Variants in NOL4 observed in about 807,000 individuals in gnomAD.
The protein encoded by NOL4 is nucleolar protein 4.
NOL4 carries 17 observed loss-of-function variants against 75.9 expected under a neutral mutation model. The observed-to-expected ratio is 0.22, with a 90% CI of 0.15 to 0.34. The LOEUF (loss-of-function observed/expected upper bound fraction) is 0.34, where lower values mean the gene tolerates loss of function less well. Ranked by LOEUF, NOL4 falls within the 10% of genes least tolerant of loss-of-function variation. The probability of loss-of-function intolerance (pLI) is 1.00; values close to 1 mark genes in which losing one functional copy is unlikely to be tolerated. For synonymous variants in NOL4, 292 were observed against 289.9 expected (o/e 1.01, Z -0.07); for missense variants, 614 against 793.5 (o/e 0.77, Z 2.72).
At chr18:34,115,006 G>A (rs1221423432) in intron 2 of NOL4, among the ~76,000 whole-genome samples, 1 of 152,086 alleles carries the variant, frequency 6.6e-6, no homozygotes, top group Non-Finnish European at 1.5e-5. Flanking sequence ...TGAATTGAGA[G>A]AGAAGGAAGG....
intron 5 of NOL4, among the ~76,000 whole-genome samples, chr18:34,063,991 T>C (rs889292372): frequency 1.3e-5 from 2 of 152,024 alleles, no homozygotes; most frequent in African/African-American, 4.8e-5. Flanking sequence ...GACATTTATT[T>C]TTCCTTGCCA....
intron 4 of NOL4, among the ~76,000 whole-genome samples, chr18:34,096,537 G>A (rs1379844907): frequency 6.6e-6 from 1 of 151,986 alleles, no homozygotes; most frequent in African/African-American, 2.4e-5. Context: ...TAAGAATAAA[G>A]AATCAGAAAA....
intron 5 of NOL4, among the ~76,000 whole-genome samples, chr18:34,080,627 C>T (rs184715245): frequency 6.3e-4 from 96 of 152,274 alleles, no homozygotes; most frequent in Non-Finnish European, 1.2e-3. Context: ...GTACCACATC[C>T]TTGTCCATCA....
At chr18:34,057,616 T>C (rs2076885399) in intron 5 of NOL4, among the ~76,000 whole-genome samples, 2 of 152,184 alleles carry the variant, frequency 1.3e-5, no homozygotes, top group African/African-American at 4.8e-5. Context: ...ACAGTATCTA[T>C]TGACAATATT....
intron 9 of NOL4, among the ~76,000 whole-genome samples, chr18:33,887,542 G>A (rs2064822255): frequency 6.6e-6 from 1 of 151,582 alleles, no homozygotes; most frequent in Non-Finnish European, 1.5e-5. Flanking sequence ...TTTACATTAG[G>A]TATTTCTCCT....
At position 34,019,344 on chromosome 18, in the gene NOL4, G is replaced by C. The variant is rs1387546446; in HGVS notation, c.1030C>G (p.Arg344Gly). 13 of 1,613,434 alleles carry C rather than the reference G, an allele frequency of 8.1e-6. No individual in the cohort carries two copies. In the African/African-American group the frequency reaches 1.5e-4, roughly 18 times the overall value. The change falls in exon 6 of 11, where the codon CGA becomes GGA. Residue 344 changes from arginine to glycine, a missense_variant. By Grantham distance (125) the Arg-to-Gly change is moderately radical (BLOSUM62 -2). Around this residue, in one of 9 missense-constraint regions of NOL4, gnomAD observed 196 missense variants for 167.9 expected, o/e 1.17. Transcript: ENST00000261592. ...TTGCTTCCATTTTCTCTCGCCTCTC[G>C]TTCCATCTTGAGGTCAGAAATTAGA... ...NLLISDLKME[R>G]EARENGSKSP...
chr18:34,205,059 G>A (rs1568448358), intron 1 of NOL4, among the ~76,000 whole-genome samples: 1 of 151,976 alleles, frequency 6.6e-6, no homozygotes, highest in Non-Finnish European at 1.5e-5. Context: ...TTACTGCCCT[G>A]GATTAAGGTT....
At chr18:33,915,464 C>T (rs1204778161) in intron 9 of NOL4, among the ~76,000 whole-genome samples, 1 of 151,944 alleles carries the variant, frequency 6.6e-6, no homozygotes, top group African/African-American at 2.4e-5. Flanking sequence ...TTTACACATG[C>T]TGATGGGAAG....
At chr18:34,119,766 C>T (rs930277093) in intron 2 of NOL4, among the ~76,000 whole-genome samples, 2 of 152,036 alleles carry the variant, frequency 1.3e-5, no homozygotes, top group African/African-American at 2.4e-5. Context: ...GGACTACAGG[C>T]GCCCGCCACC....
chr18:34,102,353 T>G (rs565706705), intron 4 of NOL4, among the ~76,000 whole-genome samples: 1 of 152,226 alleles, frequency 6.6e-6, no homozygotes, highest in East Asian at 1.9e-4. Flanking sequence ...TATTCAAATT[T>G]AAATATAATT....
rs147284163 is a variant in NOL4 at position 33,966,092 on chromosome 18, T to C, written c.1057-7674A>G. ...TTCTATATTAACTTATTCAACAACA[T>C]TTAAGAAGCACTACTTCATGTTTAG... On this transcript the variant is annotated intron_variant, in intron 6 of 10. Transcript: ENST00000261592. Among the ~76,000 whole-genome samples the C allele has an allele frequency of 4.3e-3, 651 of 152,266 alleles. 3 individuals carry two copies. The highest frequency in any genetic ancestry group is 9.0e-3 in the Admixed American group (137 of 15,278).
intron 1 of NOL4, among the ~76,000 whole-genome samples, chr18:34,177,050 T>G (rs1201522756): frequency 6.6e-6 from 1 of 151,860 alleles, no homozygotes; most frequent in Non-Finnish European, 1.5e-5. Context: ...AATCCAAATG[T>G]GCAGCAACAG....
chr18:34,219,397 T>C (rs1568461911), intron 1 of NOL4, among the ~76,000 whole-genome samples: 1 of 152,234 alleles, frequency 6.6e-6, no homozygotes, highest in South Asian at 2.1e-4. Context: ...GAGGACTTTT[T>C]AAAAAGAGCG....
chr18:34,121,271 C>T (rs2080127622), intron 2 of NOL4: 2 of 152,088 alleles, frequency 1.3e-5, no homozygotes, highest in South Asian at 4.1e-4. Flanking sequence ...CTTGATTTTT[C>T]CTGAAGAGTA....
chr18:34,119,180 T>A (rs2080001646), intron 2 of NOL4, among the ~76,000 whole-genome samples: 1 of 152,196 alleles, frequency 6.6e-6, no homozygotes. Flanking sequence ...TAAACAAATT[T>A]GTAATCACTG....
chr18:33,958,300 T>C lies in NOL4; in HGVS notation c.1175A>G (p.Asp392Gly). Residue 392 changes from aspartate to glycine, a missense_variant, in exon 7 of 11, where the codon GAC becomes GGC. Coordinates refer to ENST00000261592, the MANE Select transcript of NOL4 (RefSeq NM_003787.5). ...TGTCTCATTAACTTTCTCCGAATCGTCATGGTCCTCGTGGTCATCTTCGTC... is the reference window on the plus strand; with the variant it reads ...TGTCTCATTAACTTTCTCCGAATCGCCATGGTCCTCGTGGTCATCTTCGTC... ...DEDEDDHEDH[D>G]DSEKVNETDG... 1 of 1,613,810 alleles carries C rather than the reference T, an allele frequency of 6.2e-7. No homozygotes were observed. The highest frequency in any genetic ancestry group is 2.2e-5 in the East Asian group (1 of 44,858).
At chr18:34,162,627 A>C (rs2031680907) in intron 1 of NOL4, among the ~76,000 whole-genome samples, 2 of 152,224 alleles carry the variant, frequency 1.3e-5, no homozygotes. Flanking sequence ...GTCCAGGACC[A>C]GATGGATTCA....
chr18:33,950,099 TA>T (rs1417767490), intron 8 of NOL4, among the ~76,000 whole-genome samples: 1 of 151,902 alleles, frequency 6.6e-6, no homozygotes, highest in Non-Finnish European at 1.5e-5. Context: ...TTTGTGAAAA[TA>T]AAAGTGTATA....
At chr18:34,064,064 C>T (rs1219335822) in intron 5 of NOL4, among the ~76,000 whole-genome samples, 1 of 151,950 alleles carries the variant, frequency 6.6e-6, no homozygotes, top group Non-Finnish European at 1.5e-5. Flanking sequence ...TATGAGACTA[C>T]AAAGACCATC....
Sources: allele counts gnomAD v4.1 joint callset (sites outside exome capture counted in the v4.1 genomes callset), GRCh38; gene constraint gnomAD v4.1.1; regional missense constraint gnomAD v4.1.1; transcripts MANE v1.5; gene names NCBI Gene and HGNC (gene_info 2026-07-23, HGNC 2026-07-21).